Variants in PLA2G5 observed in about 807,000 individuals in gnomAD.
The protein encoded by PLA2G5 is phospholipase A2 group V, also known as Ca2+-dependent phospholipase A2.
Under a neutral mutation model 15.9 loss-of-function variants are expected in PLA2G5, and 12 were observed. The observed-to-expected ratio is 0.76, with a 90% CI of 0.48 to 1.23. PLA2G5 has a LOEUF of 1.23. Ranked by LOEUF, PLA2G5 falls within the 50% of genes most tolerant of loss-of-function variation. The pLI is 0.00. For missense variants in PLA2G5, 169 were observed against 177.1 expected (o/e 0.95, Z 0.26); for synonymous variants, 71 against 71.4 (o/e 0.99, Z 0.03).
intron 1 of PLA2G5, among the ~76,000 whole-genome samples, chr1:20,078,585 AGTTC>A (rs1240932121): frequency 6.6e-6 from 1 of 152,172 alleles, no homozygotes; most frequent in Non-Finnish European, 1.5e-5. Flanking sequence ...TGAAGGCACA[AGTTC>A]TGTCTCATTC....
At chr1:20,063,351 G>A (rs1243349535) in intron 2 of PLA2G5, 1 of 152,144 alleles carries the variant, frequency 6.6e-6, no homozygotes, top group Non-Finnish European at 1.5e-5. Context: ...TTTGGCCTCA[G>A]GATGGAGCCA....
intron 1 of PLA2G5, among the ~76,000 whole-genome samples, chr1:20,035,604 T>C (rs2013201577): frequency 6.6e-6 from 1 of 152,196 alleles, no homozygotes; most frequent in South Asian, 2.1e-4. Flanking sequence ...TAAGTTTAAG[T>C]GAGTCCTTAT....
chr1:20,091,058 A>G lies in PLA2G5; in HGVS notation c.*366A>G, dbSNP rs923301903. On this transcript the variant is annotated 3_prime_UTR_variant, in exon 5 of 5. Coordinates refer to ENST00000375108, the MANE Select transcript of PLA2G5 (RefSeq NM_000929.3). ...CTTACTTCTCAGCTTCTGCGATCAG[A>G]TTATCATCACCACCACCCTCCAGAG... 7.0e-5 allele frequency: 13 copies of G among 186,256 alleles called. No individual in the cohort carries two copies. The allele number at this position is 186,256 out of a possible 1,614,324, so 11.5% of individuals were successfully genotyped here.
chr1:20,072,829 G>A (rs958716252), intron 1 of PLA2G5, among the ~76,000 whole-genome samples: 5 of 152,202 alleles, frequency 3.3e-5, no homozygotes, highest in South Asian at 4.1e-4. Flanking sequence ...TATTCTAGAC[G>A]TGACGGACAT....
At chr1:20,066,458 T>C (rs1292411720), upstream of PLA2G5, among the ~76,000 whole-genome samples, 1 of 152,246 alleles carries the variant, frequency 6.6e-6, no homozygotes, top group Non-Finnish European at 1.5e-5. Context: ...TGGTATCATG[T>C]TGGTAACTTG....
chr1:20,054,955 A>G (rs751938576), intron 1 of PLA2G5: 1 of 152,102 alleles, frequency 6.6e-6, no homozygotes, highest in Non-Finnish European at 1.5e-5. Flanking sequence ...GCCCTCCCCA[A>G]CAGAATGTTT....
intron 1 of PLA2G5, among the ~76,000 whole-genome samples, chr1:20,082,007 G>T (rs1245735898): frequency 6.6e-6 from 1 of 151,696 alleles, no homozygotes; most frequent in Non-Finnish European, 1.5e-5. Context: ...AGCCGAGATG[G>T]TGCCACTGCA....
At chr1:20,063,193 T>TA (rs1286097858) in intron 2 of PLA2G5, among the ~76,000 whole-genome samples, 2 of 151,914 alleles carry the variant, frequency 1.3e-5, no homozygotes, top group Non-Finnish European at 2.9e-5. Flanking sequence ...ACCACCTCCC[T>TA]AAAAAAATAA....
chr1:20,087,559 A>G (rs1448386495), intron 3 of PLA2G5, among the ~76,000 whole-genome samples: 1 of 152,010 alleles, frequency 6.6e-6, no homozygotes, highest in Non-Finnish European at 1.5e-5. Context: ...ATGGGCAAAT[A>G]GAAACATTCT....
upstream of PLA2G5, among the ~76,000 whole-genome samples, chr1:20,069,691 G>GAAAGAAAGAAAGAAA (rs1323196502): frequency 1.5e-5 from 1 of 67,474 alleles, no homozygotes; most frequent in African/African-American, 3.2e-5. Context: ...AAGAAAGAAA[G>GAAAGAAAGAAAGAAA]AAAGAAAGAA....
chr1:20,074,537 A>T lies in PLA2G5; in HGVS notation c.-11+4072A>T, dbSNP rs561193495. ...CTTTGACAGATCTTGTCTGCATTTT[A>T]AGTGTTTCCAACACTTAAAGATTAA... is the stretch of plus-strand genomic sequence containing the variant. On this transcript the variant is annotated intron_variant, in intron 1 of 4. Coordinates refer to ENST00000375108, the MANE Select transcript of PLA2G5 (RefSeq NM_000929.3). Among the ~76,000 whole-genome samples the T allele has an allele frequency of 2.6e-5, 4 of 152,336 alleles. No individual in the cohort carries two copies. The South Asian group carries it at 8.3e-4, about 32-fold the overall frequency.
upstream of PLA2G5, chr1:20,070,100 C>A (rs550778433): frequency 9.7e-6 from 6 of 618,748 alleles, no homozygotes; most frequent in Non-Finnish European, 1.2e-5. Context: ...CAAATCCACC[C>A]GCATTGGAAT....
At chr1:20,067,022 G>T (rs1458020472), upstream of PLA2G5, among the ~76,000 whole-genome samples, 3 of 151,890 alleles carry the variant, frequency 2.0e-5, no homozygotes, top group African/African-American at 4.8e-5. Flanking sequence ...CTGAGACAGG[G>T]TCACACTCTG....
intron 1 of PLA2G5, among the ~76,000 whole-genome samples, chr1:20,030,219 CT>C (rs1425622383): frequency 6.6e-6 from 1 of 151,742 alleles, no homozygotes; most frequent in Non-Finnish European, 1.5e-5. Flanking sequence ...ATCACTATCT[CT>C]ACTATCTCGG....
upstream of PLA2G5, among the ~76,000 whole-genome samples, chr1:20,065,684 A>G (rs1240697140): frequency 6.6e-6 from 1 of 152,208 alleles, no homozygotes; most frequent in Non-Finnish European, 1.5e-5. Flanking sequence ...CATCTATTGA[A>G]AACTCTTTTG....
upstream of PLA2G5, chr1:20,068,978 T>C (rs1213515387): frequency 3.1e-6 from 4 of 1,274,396 alleles, no homozygotes; most frequent in South Asian, 1.2e-5. Context: ...AGGCCCAGAA[T>C]TGGCACAGAT....
At position 20,046,676 on chromosome 1, in the gene PLA2G5, G is replaced by A. The variant is rs147046689; in HGVS notation, n.277-12956G>A. On this transcript the variant is annotated intron_variant and non_coding_transcript_variant, in intron 1 of 6. Coordinates refer to the PLA2G5 transcript ENST00000460175. ...AAAGCTCTGTTTTCCTGTATTGAAT[G>A]AGCTGACCTTTTTGGCTTTGGGGGT... Among the ~76,000 whole-genome samples the A allele has an allele frequency of 3.3e-3, 497 of 152,294 alleles. 3 individuals are homozygous for A. Among genetic ancestry groups the A allele is most frequent in the African/African-American group, 0.011 (443 of 41,570 alleles).
At chr1:20,089,957 C>A in intron 4 of PLA2G5, 62 bp downstream of exon 4, 1 of 1,184,154 alleles carries the variant, frequency 8.4e-7, no homozygotes, top group Non-Finnish European at 1.2e-6. Flanking sequence ...TTCAGCTGCC[C>A]TAGAGAACAG....
In PLA2G5 at chr1:20,040,874, G is replaced by A. The variant is rs1473257321; in HGVS notation, n.276+12165G>A. 5.3e-5 allele frequency among the ~76,000 whole-genome samples: 8 copies of A among 152,170 alleles called. No individual in the cohort carries two copies. The South Asian group carries it at 1.7e-3, about 32-fold the overall frequency. On this transcript the variant is annotated intron_variant and non_coding_transcript_variant, in intron 1 of 6. Transcript: ENST00000460175. ...GAAACTCAAAGGAATACAACGATTT[G>A]TCTCTTATCTACCTAAGACCTGGAA... is the stretch of plus-strand genomic sequence containing the variant.
Sources: gnomAD v4.1 joint callset for allele counts (sites outside exome capture counted in the v4.1 genomes callset) on GRCh38, gnomAD v4.1.1 for gene constraint, MANE v1.5 for transcripts, NCBI Gene and HGNC (gene_info 2026-07-23, HGNC 2026-07-21) for gene names.